TP53BP1: variants seen among roughly 807,000 people sequenced by gnomAD.
The protein encoded by TP53BP1 is tumor protein p53 binding protein 1.
A neutral mutation model predicts 200.8 loss-of-function variants in TP53BP1; 61 were observed. The ratio of observed to expected loss-of-function variants is 0.30; its 90% CI spans 0.25 to 0.38. TP53BP1 has a LOEUF of 0.38. Among genes scored for constraint, TP53BP1 ranks in the 10% least tolerant of loss-of-function variants. TP53BP1 has a pLI of 1.00. For synonymous variants in TP53BP1, 822 were observed against 844.3 expected, an observed-to-expected ratio of 0.97 and a Z score of 0.46; for missense variants, 2,144 against 2,371.9, an observed-to-expected ratio of 0.90 and a Z score of 2.00.
At chr15:43,496,194 T>A (rs2079181691), upstream of TP53BP1, among the ~76,000 whole-genome samples, 1 of 152,242 alleles carries the variant, frequency 6.6e-6, no homozygotes, top group Non-Finnish European at 1.5e-5. Context: ...TTAACAAACC[T>A]CATTGTCAGA....
Position 43,492,348 on chromosome 15 carries a change from G to A in TP53BP1, c.128C>T (p.Ser43Phe). The change falls in exon 2 of 28, where the codon TCT becomes TTT. Residue 43 changes from serine to phenylalanine, a missense_variant. Transcript: ENST00000382044. ...ESQVLEDDSGSHFSMLSRHLP... is the reference protein window; with the variant it reads ...ESQVLEDDSGFHFSMLSRHLP... Reference sequence around the variant, plus strand: ...GTGTCGAGATAGCATACTGAAGTGAGAACCAGAATCATCCTCTAGAACCTG... The same window carrying A: ...GTGTCGAGATAGCATACTGAAGTGAAAACCAGAATCATCCTCTAGAACCTG... 6.2e-7 allele frequency: 1 copy of A among 1,614,138 alleles called. No individual in the cohort carries two copies. The highest frequency in any genetic ancestry group is 8.5e-7 in the Non-Finnish European group (1 of 1,180,004).
Position 43,405,537 on chromosome 15 carries a change from G to A in TP53BP1, c.*1846C>T, listed in dbSNP as rs540085911. 8.4e-5 allele frequency: 28 copies of A among 335,228 alleles called. No homozygotes were observed. Among genetic ancestry groups the A allele is most frequent in the Non-Finnish European group, 1.3e-4 (24 of 183,410 alleles). 20.8% of individuals were successfully genotyped at this position (335,228 alleles called of 1,614,324 possible). A position where few individuals can be genotyped will look rare whatever the true frequency, so the allele number is the denominator to read the frequency against. ...CCTTGGTACTGTTCAAGCTGTGGGA[G>A]ATACAGCGGTAAACAAACAATATAG... On this transcript the variant is annotated 3_prime_UTR_variant, in exon 28 of 28. Coordinates refer to ENST00000382044, the MANE Select transcript of TP53BP1 (RefSeq NM_001141980.3).
chr15:43,415,202 CTTTTT>C (rs763958465), intron 23 of TP53BP1: 20 of 187,320 alleles, frequency 1.1e-4, no homozygotes, highest in East Asian at 2.9e-4. Context: ...TCCTGGCCTT[CTTTTT>C]TTTTTTTTTT....
At chr15:43,417,767 C>G (rs2045301111) in intron 21 of TP53BP1, among the ~76,000 whole-genome samples, 1 of 152,276 alleles carries the variant, frequency 6.6e-6, no homozygotes, top group East Asian at 1.9e-4. Flanking sequence ...CCATATATAG[C>G]TAACAATGTT....
intron 12 of TP53BP1, among the ~76,000 whole-genome samples, chr15:43,449,212 C>G (rs1273827888): frequency 6.6e-6 from 1 of 152,174 alleles, no homozygotes; most frequent in African/African-American, 2.4e-5. Context: ...TGACAGACAT[C>G]CACCATAGTT....
intron 17 of TP53BP1, among the ~76,000 whole-genome samples, chr15:43,428,477 A>C (rs1376124435): frequency 6.6e-6 from 1 of 152,184 alleles, no homozygotes; most frequent in Non-Finnish European, 1.5e-5. Context: ...AAAGTTCATT[A>C]TTTTTAAACC....
intron 17 of TP53BP1, among the ~76,000 whole-genome samples, chr15:43,431,924 G>A (rs935462153): frequency 1.3e-5 from 2 of 152,140 alleles, no homozygotes; most frequent in African/African-American, 4.8e-5. Flanking sequence ...CAGGACCCAG[G>A]CAGAATCTCT....
chr15:43,454,328 G>A (rs2046242458), intron 12 of TP53BP1, among the ~76,000 whole-genome samples: 2 of 151,602 alleles, frequency 1.3e-5, no homozygotes, highest in South Asian at 2.1e-4. Context: ...TTTGTGTCTT[G>A]TTATTTTGTT....
chr15:43,473,957 G>T (rs944964462), intron 10 of TP53BP1, among the ~76,000 whole-genome samples: 12 of 152,228 alleles, frequency 7.9e-5, no homozygotes, highest in African/African-American at 2.9e-4. Context: ...AGCCACACAG[G>T]AGCCCACGGA....
At chr15:43,483,534 A>G (rs544122) in intron 4 of TP53BP1, among the ~76,000 whole-genome samples, 1 of 152,004 alleles carries the variant, frequency 6.6e-6, no homozygotes, top group Non-Finnish European at 1.5e-5. Context: ...CTTCCTTGCA[A>G]CTTTCTACAC....
chr15:43,437,763 A>G (rs1268945027), intron 16 of TP53BP1, among the ~76,000 whole-genome samples: 1 of 152,234 alleles, frequency 6.6e-6, no homozygotes, highest in Non-Finnish European at 1.5e-5. Flanking sequence ...TAGTCCCTCA[A>G]GGTATAAAAA....
At position 43,446,492 on chromosome 15, in the gene TP53BP1, C is replaced by T. The variant is rs747638394; in HGVS notation, c.2935G>A (p.Asp979Asn). Residue 979 changes from aspartate to asparagine, a missense_variant, in exon 14 of 28, where the codon GAT (aspartate) becomes AAT (asparagine). By Grantham distance (23) the Asp-to-Asn change is conservative. Around this residue, in one of 4 missense-constraint regions of TP53BP1, gnomAD observed 1,700 missense variants for 1,710.3 expected, o/e 0.99. Transcript: ENST00000382044. Reference sequence around the variant, plus strand: ...TCCACGTCTGGGGCAGCCCCAGAATCCCCTTTTCCACTCCCAAGTATGGGA... The same window carrying T: ...TCCACGTCTGGGGCAGCCCCAGAATTCCCTTTTCCACTCCCAAGTATGGGA... Reference protein sequence around the residue: ...HDPILGSGKGDSGAAPDVDDK... With the variant: ...HDPILGSGKGNSGAAPDVDDK... 1.9e-6 allele frequency: 3 copies of T among 1,614,056 alleles called. No homozygotes were observed. In the African/African-American group the frequency reaches 4.0e-5, roughly 22 times the overall value.
chr15:43,486,641 T>G (rs905837036), intron 4 of TP53BP1, among the ~76,000 whole-genome samples: 1 of 152,146 alleles, frequency 6.6e-6, no homozygotes, highest in Non-Finnish European at 1.5e-5. Flanking sequence ...TATTTGTTTT[T>G]GAGGCAGGGT....
At chr15:43,491,346 G>A (rs982965948) in intron 4 of TP53BP1, among the ~76,000 whole-genome samples, 3 of 152,080 alleles carry the variant, frequency 2.0e-5, no homozygotes, top group Middle Eastern at 3.2e-3. Flanking sequence ...CTCTCAAAGC[G>A]CTGGGATTAC....
At chr15:43,427,900 T>A in intron 18 of TP53BP1, 116 bp downstream of exon 18, 1 of 730,484 alleles carries the variant, frequency 1.4e-6, no homozygotes, top group Non-Finnish European at 2.2e-6. Context: ...GAGGCTGCAG[T>A]GAAACAAAAT....
chr15:43,434,393 T>A (rs2045743088), intron 16 of TP53BP1, among the ~76,000 whole-genome samples: 1 of 152,194 alleles, frequency 6.6e-6, no homozygotes, highest in South Asian at 2.1e-4. Flanking sequence ...AGGAAAGGAT[T>A]CAAAAGCCAG....
intron 1 of TP53BP1, among the ~76,000 whole-genome samples, chr15:43,500,524 T>C (rs925288898): frequency 2.0e-5 from 3 of 152,046 alleles, no homozygotes; most frequent in Non-Finnish European, 2.9e-5. Flanking sequence ...GTCTAAAATA[T>C]AGAGAATATT....
chr15:43,506,566 C>T (rs1046083566), intron 1 of TP53BP1, among the ~76,000 whole-genome samples: 5 of 152,206 alleles, frequency 3.3e-5, no homozygotes, highest in African/African-American at 1.2e-4. Context: ...TTCGACAATT[C>T]AAGGGTCCTT....
chr15:43,421,181 A>G lies in TP53BP1; in HGVS notation c.4101-7T>C. 1 of 1,613,420 alleles carries G rather than the reference A, an allele frequency of 6.2e-7. No individual in the cohort carries two copies. The highest frequency in any genetic ancestry group is 8.5e-7 in the Non-Finnish European group (1 of 1,179,676). On this transcript the variant is annotated splice_polypyrimidine_tract_variant and splice_region_variant and intron_variant, in intron 19 of 27. Coordinates refer to ENST00000382044, the MANE Select transcript of TP53BP1 (RefSeq NM_001141980.3). ...ACTGACCCCTTTTCTAGGACTAGAG[A>G]ATGAAGACAAGTTAGTCTGATAGCA...
Sources: gnomAD v4.1 joint callset for allele counts (sites outside exome capture counted in the v4.1 genomes callset) on GRCh38, gnomAD v4.1.1 for gene constraint, gnomAD v4.1.1 regional missense constraint, MANE v1.5 for transcripts, NCBI Gene and HGNC (gene_info 2026-07-23, HGNC 2026-07-21) for gene names.